Variants in MEGF11 observed in about 807,000 individuals in gnomAD.
MEGF11 encodes multiple EGF like domains 11.
In MEGF11, 126 loss-of-function variants were observed where a neutral mutation model predicts 146.6. The observed-to-expected ratio is 0.86, with a 90% CI of 0.74 to 1.00. MEGF11 has a LOEUF of 1.00. MEGF11 is among the 50% of genes least tolerant of loss of function. The pLI, the probability that MEGF11 is intolerant of heterozygous loss-of-function variation, is 0.00. For missense variants in MEGF11, 1,509 were observed against 1,521.2 expected, an observed-to-expected ratio of 0.99 and a Z score of 0.13; for synonymous variants, 532 against 583.4, an observed-to-expected ratio of 0.91 and a Z score of 1.27.
chr15:65,975,670 T>G (rs2141642675), intron 7 of MEGF11, among the ~76,000 whole-genome samples: 1 of 152,322 alleles, frequency 6.6e-6, no homozygotes, highest in Admixed American at 6.5e-5. Flanking sequence ...AGGTGATCAT[T>G]CTGAGCCTTA....
At chr15:66,034,244 C>G (rs192236814) in intron 5 of MEGF11, among the ~76,000 whole-genome samples, 5 of 152,300 alleles carry the variant, frequency 3.3e-5, no homozygotes, top group Admixed American at 2.6e-4. Flanking sequence ...TGAAATGTGC[C>G]TTGAGTCTCA....
intron 10 of MEGF11, among the ~76,000 whole-genome samples, chr15:65,956,388 C>G (rs1466625522): frequency 6.6e-6 from 1 of 152,190 alleles, no homozygotes; most frequent in Non-Finnish European, 1.5e-5. Flanking sequence ...GAGAAGCCTG[C>G]TAGAATGCAC....
chr15:66,107,161 A>G (rs2087131497), intron 4 of MEGF11, among the ~76,000 whole-genome samples: 1 of 152,082 alleles, frequency 6.6e-6, no homozygotes, highest in Non-Finnish European at 1.5e-5. Flanking sequence ...AGGTCAGCAC[A>G]GCGTAAGGAG....
chr15:66,095,640 A>G (rs2086514016), intron 4 of MEGF11, among the ~76,000 whole-genome samples: 1 of 152,160 alleles, frequency 6.6e-6, no homozygotes, highest in Non-Finnish European at 1.5e-5. Context: ...AAGCACAGAA[A>G]CTGACCCCGA....
chr15:66,017,932 T>G (rs1017984124), intron 5 of MEGF11, among the ~76,000 whole-genome samples: 3 of 151,580 alleles, frequency 2.0e-5, no homozygotes, highest in Non-Finnish European at 4.4e-5. Flanking sequence ...CAAGAGAGGG[T>G]TTCAGGGAAG....
At chr15:66,125,675 T>C (rs764887443) in intron 2 of MEGF11, among the ~76,000 whole-genome samples, 1 of 152,228 alleles carries the variant, frequency 6.6e-6, no homozygotes, top group Non-Finnish European at 1.5e-5. Context: ...ACACGTAACA[T>C]GCTTAAACAG....
At chr15:65,901,924 T>C (rs557945894) in intron 24 of MEGF11, 2 of 151,870 alleles carry the variant, frequency 1.3e-5, no homozygotes, top group Non-Finnish European at 2.9e-5. Context: ...GTAAATAGTT[T>C]AGTCAGGACT....
In MEGF11 at chr15:66,005,606, G is replaced by T. The variant is rs71398246; in HGVS notation, c.395-23118C>A. ...GAAAAATGGTCCAGTTGGCTTCCCT[G>T]TGGGTAAACAAAAACCTTTTCAGAT... On this transcript the variant is annotated intron_variant, in intron 5 of 25. Transcript: ENST00000395614. Among the ~76,000 whole-genome samples, 1,001 of 152,278 alleles carry T rather than the reference G, an allele frequency of 6.6e-3. 6 individuals carry two copies. Among genetic ancestry groups the T allele is most frequent in the Non-Finnish European group, 0.01 (693 of 68,012 alleles).
chr15:65,904,559 T>C (rs2078573542), intron 24 of MEGF11, among the ~76,000 whole-genome samples: 1 of 152,140 alleles, frequency 6.6e-6, no homozygotes, highest in African/African-American at 2.4e-5. Flanking sequence ...TCACCCCACA[T>C]CTAATCATCT....
At chr15:65,932,321 T>C (rs2079608618) in intron 10 of MEGF11, among the ~76,000 whole-genome samples, 1 of 152,048 alleles carries the variant, frequency 6.6e-6, no homozygotes, top group Admixed American at 6.6e-5. Flanking sequence ...GCGATGTCTA[T>C]AGAGGGCCTC....
At chr15:65,955,789 TATATAC>T (rs1345694812) in intron 10 of MEGF11, among the ~76,000 whole-genome samples, 1 of 6,368 alleles carries the variant, frequency 1.6e-4, no homozygotes, top group Non-Finnish European at 8.5e-4. Context: ...TATATATATA[TATATAC>T]ACACACACAC....
chr15:65,967,603 C>T (rs2081149134), intron 8 of MEGF11, among the ~76,000 whole-genome samples: 2 of 152,052 alleles, frequency 1.3e-5, no homozygotes, highest in Admixed American at 1.3e-4. Flanking sequence ...GCAGGGCCAG[C>T]TAGCAAGTGT....
chr15:66,119,765 G>A (rs2087929091), intron 3 of MEGF11, among the ~76,000 whole-genome samples: 1 of 152,082 alleles, frequency 6.6e-6, no homozygotes, highest in East Asian at 1.9e-4. Flanking sequence ...TGCCATCCCT[G>A]GGAAGGCCCT....
chr15:66,246,717 G>T (rs1247540546), intron 1 of MEGF11, among the ~76,000 whole-genome samples: 1 of 152,110 alleles, frequency 6.6e-6, no homozygotes, highest in African/African-American at 2.4e-5. Flanking sequence ...AGGCTTAGGT[G>T]GGAGAATCGT....
rs921171103 is a variant in MEGF11 at position 66,059,233 on chromosome 15, C to G, written c.394+35169G>C. Among the ~76,000 whole-genome samples the G allele has an allele frequency of 3.9e-5, 6 of 152,158 alleles. No individual in the cohort carries two copies. In the South Asian group the frequency reaches 1.2e-3, roughly 32 times the overall value. ...CCCAGCCCAGAGCTGTTCCCTCCCC[C>G]GCGCCATCCTCACCACGAGGAAGTT... On this transcript the variant is annotated intron_variant, in intron 5 of 25. Coordinates refer to ENST00000395614, the MANE Select transcript of MEGF11 (RefSeq NM_001385028.1).
intron 4 of MEGF11, among the ~76,000 whole-genome samples, chr15:66,103,661 G>T (rs1250729654): frequency 6.6e-6 from 1 of 152,204 alleles, no homozygotes; most frequent in Non-Finnish European, 1.5e-5. Flanking sequence ...CAAGGTGGGG[G>T]TGGTCAGGGG....
chr15:65,897,932 T>G lies in MEGF11; in HGVS notation c.*2A>C. 3 of 1,613,516 alleles carry G rather than the reference T, an allele frequency of 1.9e-6. No homozygotes were observed. The highest frequency in any genetic ancestry group is 2.5e-6 in the Non-Finnish European group (3 of 1,179,676). ...ACACTGCAAGAGAGAAGCTTATCCC[T>G]CTTAAGATTGCTTGTCCTGGGACGG... On this transcript the variant is annotated 3_prime_UTR_variant, in exon 26 of 26. Coordinates refer to ENST00000395614, the MANE Select transcript of MEGF11 (RefSeq NM_001385028.1).
chr15:66,232,174 A>T (rs2091979968), intron 1 of MEGF11, among the ~76,000 whole-genome samples: 1 of 152,210 alleles, frequency 6.6e-6, no homozygotes, highest in Non-Finnish European at 1.5e-5. Flanking sequence ...CTCCAGAGGC[A>T]GGTCTCAAGA....
intron 4 of MEGF11, among the ~76,000 whole-genome samples, chr15:66,106,005 A>T (rs2087056638): frequency 6.6e-6 from 1 of 152,034 alleles, no homozygotes; most frequent in Non-Finnish European, 1.5e-5. Context: ...CAGGGGAGGG[A>T]GGAGGCCTCC....
Sources: gnomAD v4.1 joint callset for allele counts (sites outside exome capture counted in the v4.1 genomes callset) on GRCh38, gnomAD v4.1.1 for gene constraint, MANE v1.5 for transcripts, NCBI Gene and HGNC (gene_info 2026-07-23, HGNC 2026-07-21) for gene names.